Variants in UTRN observed in about 807,000 individuals in gnomAD.
UTRN encodes the protein utrophin.
UTRN carries 283 observed loss-of-function variants against 463.9 expected under a neutral mutation model. The observed-to-expected ratio is 0.61, with a 90% CI of 0.55 to 0.67. UTRN has a LOEUF of 0.67. Ranked by LOEUF, UTRN falls within the 30% of genes least tolerant of loss-of-function variation. The pLI, the probability that UTRN is intolerant of heterozygous loss-of-function variation, is 0.00. For missense variants in UTRN, 3,922 were observed against 4,084.3 expected (o/e 0.96, Z 1.08); for synonymous variants, 1,442 against 1,431.5 (o/e 1.01, Z -0.17).
intron 7 of UTRN, 141 bp downstream of exon 7, chr6:144,426,600 A>G: frequency 2.3e-6 from 2 of 882,878 alleles, no homozygotes; most frequent in Non-Finnish European, 3.1e-6. Context: ...AAACCTTAAG[A>G]AAAGAAATAT....
In UTRN at chr6:144,539,296, C is replaced by A; in HGVS notation, c.6372C>A (p.Asp2124Glu). 1.2e-6 allele frequency: 2 copies of A among 1,609,674 alleles called. No individual in the cohort carries two copies. The highest frequency in any genetic ancestry group is 4.5e-5 in the East Asian group (2 of 44,628). The change falls in exon 45 of 75, where the codon GAC (aspartate) becomes GAA (glutamate). Residue 2124 changes from aspartate to glutamate, a missense_variant and splice_region_variant. Around this residue, in one of 3 missense-constraint regions of UTRN, gnomAD observed 2,349 missense variants for 2,303.8 expected, o/e 1.02. Coordinates refer to ENST00000367545, the MANE Select transcript of UTRN (RefSeq NM_007124.3). The part of the protein sequence containing the change: ...ELGENLQELR[D>E]LTQEMEVHAE... ...CACCTATCTTTTAACTTCTCCAGGA[C>A]TTAACTCAAGAAATGGAAGTACATG... is the stretch of plus-strand genomic sequence containing the variant.
intron 58 of UTRN, among the ~76,000 whole-genome samples, chr6:144,765,708 G>A (rs1394242565): frequency 6.6e-6 from 1 of 151,624 alleles, no homozygotes; most frequent in Non-Finnish European, 1.5e-5. Flanking sequence ...ACTGTGCCCA[G>A]CTTAAATGCA....
chr6:144,409,968 A>G (rs78235387), intron 3 of UTRN, among the ~76,000 whole-genome samples: 2,601 of 152,286 alleles, frequency 0.017, 79 homozygotes, highest in African/African-American at 0.059. Context: ...AGTGGGAGAA[A>G]GAACAATGAA....
At chr6:144,377,842 G>T (rs1348448358) in intron 2 of UTRN, among the ~76,000 whole-genome samples, 2 of 152,134 alleles carry the variant, frequency 1.3e-5, no homozygotes, top group African/African-American at 4.8e-5. Context: ...GTGAGTCTCT[G>T]ATTTCTTCAC....
intron 51 of UTRN, among the ~76,000 whole-genome samples, chr6:144,579,228 C>T (rs1426871825): frequency 6.6e-6 from 1 of 152,152 alleles, no homozygotes; most frequent in Non-Finnish European, 1.5e-5. Flanking sequence ...CATGAGGTCA[C>T]TATAAATGTT....
chr6:144,606,245 C>A (rs1304051295), intron 51 of UTRN, among the ~76,000 whole-genome samples: 3 of 152,162 alleles, frequency 2.0e-5, no homozygotes, highest in African/African-American at 7.2e-5. Context: ...ACACAAAACA[C>A]AACTTCAAAT....
intron 2 of UTRN, among the ~76,000 whole-genome samples, chr6:144,391,898 C>T (rs1322538654): frequency 6.6e-6 from 1 of 152,160 alleles, no homozygotes; most frequent in East Asian, 1.9e-4. Context: ...CCTTGGCCTC[C>T]CAAAGTGCTG....
At chr6:144,800,172 G>C (rs1777584229) in intron 64 of UTRN, among the ~76,000 whole-genome samples, 1 of 151,224 alleles carries the variant, frequency 6.6e-6, no homozygotes, top group Non-Finnish European at 1.5e-5. Flanking sequence ...GTGAAGGAGA[G>C]GATAAAATAC....
intron 2 of UTRN, among the ~76,000 whole-genome samples, chr6:144,390,342 G>A (rs1781797928): frequency 6.6e-6 from 1 of 152,038 alleles, no homozygotes; most frequent in South Asian, 2.1e-4. Flanking sequence ...GTCTAGCACG[G>A]GCAATTCTAA....
intron 66 of UTRN, among the ~76,000 whole-genome samples, chr6:144,824,615 T>TATATATATATATATATA (rs1380172617): frequency 3.3e-5 from 1 of 30,746 alleles, no homozygotes; most frequent in Non-Finnish European, 4.9e-5. Context: ...TATATATATC[T>TATATATATATATATATA]TTTTTTTTTT....
At chr6:144,687,798 A>G (rs1476789356) in intron 52 of UTRN, among the ~76,000 whole-genome samples, 1 of 152,158 alleles carries the variant, frequency 6.6e-6, no homozygotes, top group Admixed American at 6.5e-5. Context: ...CTGCATGTTG[A>G]CATTAGATAG....
intron 51 of UTRN, among the ~76,000 whole-genome samples, chr6:144,596,331 A>T (rs1443791686): frequency 6.6e-6 from 1 of 152,156 alleles, no homozygotes; most frequent in Non-Finnish European, 1.5e-5. Context: ...ATGCAGATCA[A>T]ACAGGGCAGT....
At chr6:144,288,733 T>TATATCCA (rs1376975779) in intron 1 of UTRN, among the ~76,000 whole-genome samples, 8 of 151,810 alleles carry the variant, frequency 5.3e-5, no homozygotes, top group African/African-American at 1.9e-4. Flanking sequence ...TCCAATCCTT[T>TATATCCA]ATATCCAACT....
chr6:144,377,424 TCCCA>T (rs1780562191), intron 2 of UTRN, among the ~76,000 whole-genome samples: 1 of 152,216 alleles, frequency 6.6e-6, no homozygotes. Flanking sequence ...ACCATGTATT[TCCCA>T]TAAATCTATT....
Position 144,499,443 on chromosome 6 carries a change from G to C in UTRN, c.4764+16G>C. ...CTGGGCTAAAGTAAGTTGCAGTTCA[G>C]ATGAAACACCAGCATGATGCCAGCG... On this transcript the variant is annotated intron_variant, in intron 34 of 74. Coordinates refer to ENST00000367545, the MANE Select transcript of UTRN (RefSeq NM_007124.3). The C allele has an allele frequency of 6.3e-7, 1 of 1,585,778 alleles. No homozygotes were observed. The highest frequency in any genetic ancestry group is 8.6e-7 in the Non-Finnish European group (1 of 1,159,010).
intron 58 of UTRN, among the ~76,000 whole-genome samples, chr6:144,763,154 A>T (rs900047453): frequency 1.3e-5 from 2 of 152,202 alleles, no homozygotes; most frequent in South Asian, 4.1e-4. Context: ...CTGGTTATAT[A>T]TACCATGCAT....
At chr6:144,781,195 T>C (rs1018506099) in intron 60 of UTRN, among the ~76,000 whole-genome samples, 1 of 152,110 alleles carries the variant, frequency 6.6e-6, no homozygotes, top group Non-Finnish European at 1.5e-5. Flanking sequence ...CCAATGGATG[T>C]GGGGGCTGTC....
chr6:144,364,068 T>C (rs1002742989), intron 2 of UTRN, among the ~76,000 whole-genome samples: 2 of 152,214 alleles, frequency 1.3e-5, no homozygotes, highest in African/African-American at 2.4e-5. Flanking sequence ...GAGAATGCTA[T>C]TGAGGACCTG....
rs1562832796 is a variant in UTRN at position 144,732,257 on chromosome 6, T to TATATATATACATATATATATATATAC, written c.7939+1772_7939+1773insTATATATACATATATATATATATACA. On this transcript the variant is annotated intron_variant, in intron 54 of 74. Transcript: ENST00000367545. ...ATATATACATATATATATATATATA[T>TATATATATACATATATATATATATAC]ACACACATATATATATATATACACA... 2.6e-3 allele frequency among the ~76,000 whole-genome samples: 222 copies of TATATATATACATATATATATATATAC among 85,464 alleles called. No individual in the cohort carries two copies. In the South Asian group the frequency reaches 0.035, roughly 14 times the overall value. The allele number at this position is 85,464 out of a possible 152,430, so 56.1% of individuals were successfully genotyped here.
Sources: gnomAD v4.1 joint callset for allele counts (sites outside exome capture counted in the v4.1 genomes callset) on GRCh38, gnomAD v4.1.1 for gene constraint, gnomAD v4.1.1 regional missense constraint, MANE v1.5 for transcripts, NCBI Gene and HGNC (gene_info 2026-07-23, HGNC 2026-07-21) for gene names.